ETV5: variants seen among roughly 807,000 people sequenced by gnomAD.
ETV5 encodes ETS variant transcription factor 5, also known as ETS translocation variant 5.
A neutral mutation model predicts 70.0 loss-of-function variants in ETV5; 10 were observed. The observed-to-expected ratio is 0.14, with a 90% CI of 0.09 to 0.24. ETV5 has a LOEUF of 0.24. Among genes scored for constraint, ETV5 ranks in the 10% least tolerant of loss-of-function variants. The pLI, the probability that ETV5 is intolerant of heterozygous loss-of-function variation, is 1.00. For synonymous variants in ETV5, 216 were observed against 242.2 expected, an observed-to-expected ratio of 0.89 and a Z score of 1.01; for missense variants, 453 against 651.2, an observed-to-expected ratio of 0.70 and a Z score of 3.31.
chr3:186,089,915 T>A (rs79365987), intron 5 of ETV5, among the ~76,000 whole-genome samples: 2,598 of 152,320 alleles, frequency 0.017, 78 homozygotes, highest in African/African-American at 0.06. Flanking sequence ...TCTCAGGCTA[T>A]GTAGGAGAAT....
intron 7 of ETV5, among the ~76,000 whole-genome samples, chr3:186,077,148 T>A (rs1013762910): frequency 2.6e-5 from 4 of 152,220 alleles, no homozygotes; most frequent in African/African-American, 9.7e-5. Context: ...TCTGCCTATG[T>A]CACAGGGCGG....
At chr3:186,092,644 G>A (rs1462879374) in intron 5 of ETV5, among the ~76,000 whole-genome samples, 2 of 151,624 alleles carry the variant, frequency 1.3e-5, no homozygotes, top group East Asian at 3.9e-4. Context: ...ATGTTGCCCA[G>A]GCTGGTCTCA....
At chr3:186,077,911 T>TC in intron 7 of ETV5, 2 of 748,756 alleles carry the variant, frequency 2.7e-6, no homozygotes, top group Non-Finnish European at 3.4e-6. Flanking sequence ...GACCCATCAG[T>TC]CTCAAAGGCA....
At chr3:186,056,370 T>C (rs1489317741) in intron 11 of ETV5, among the ~76,000 whole-genome samples, 2 of 152,172 alleles carry the variant, frequency 1.3e-5, no homozygotes, top group Non-Finnish European at 2.9e-5. Flanking sequence ...TTTGGGACTA[T>C]AGACACACAC....
At chr3:186,069,667 T>G (rs1395110105) in intron 7 of ETV5, among the ~76,000 whole-genome samples, 1 of 152,080 alleles carries the variant, frequency 6.6e-6, no homozygotes, top group East Asian at 1.9e-4. Context: ...CCCAAGTAGC[T>G]GCGATTTTTA....
Position 186,079,903 on chromosome 3 carries a change from C to A in ETV5, c.564G>T (p.Gln188His), listed in dbSNP as rs776452133. ...PHSLPEPGPQ[Q>H]QTFAVPRPPH... ...GTGGTCGGGGGACCGCAAATGTTTGCTGCTGTGGTCCAGGCTCTGGAAGCG... is the reference window on the plus strand; with the variant it reads ...GTGGTCGGGGGACCGCAAATGTTTGATGCTGTGGTCCAGGCTCTGGAAGCG... The change falls in exon 7 of 13, where the codon CAG (glutamine) becomes CAT (histidine). Residue 188 changes from glutamine to histidine, a missense_variant. This residue lies in a region of ETV5 where 307 missense variants were observed against 344.9 expected (regional missense o/e 0.89). Coordinates refer to ENST00000306376, the MANE Select transcript of ETV5 (RefSeq NM_004454.3). The A allele has an allele frequency of 3.3e-6, 5 of 1,532,348 alleles. No homozygotes were observed. The Admixed American group carries it at 8.7e-5, about 27-fold the overall frequency. The allele number at this position is 1,532,348 out of a possible 1,614,324, so 94.9% of individuals were successfully genotyped here.
At chr3:186,070,476 C>G (rs182268968) in intron 7 of ETV5, among the ~76,000 whole-genome samples, 1 of 152,206 alleles carries the variant, frequency 6.6e-6, no homozygotes, top group Non-Finnish European at 1.5e-5. Flanking sequence ...TTTAAGGATG[C>G]GCAAAGCTTA....
chr3:186,048,008 C>T lies in ETV5; in HGVS notation c.*631G>A, dbSNP rs1047140487. ...AAGGGGGCTTGCTCTACTTGGCGAC[C>T]ACATGGCCGGGTGGTTCCCAAGAGT... On this transcript the variant is annotated 3_prime_UTR_variant, in exon 13 of 13. Coordinates refer to ENST00000306376, the MANE Select transcript of ETV5 (RefSeq NM_004454.3). The T allele has an allele frequency of 1.3e-5, 3 of 233,256 alleles. No homozygotes were observed. The highest frequency in any genetic ancestry group is 2.5e-5 in the Non-Finnish European group (3 of 117,922). The allele number at this position is 233,256 out of a possible 1,614,324, so 14.4% of individuals were successfully genotyped here.
rs1283453472 is a variant in ETV5, at chr3:186,052,661, C to T, written c.1210-530G>A. Among the ~76,000 whole-genome samples, 1 of 152,186 alleles carries T rather than the reference C, an allele frequency of 6.6e-6. No individual in the cohort carries two copies. Among genetic ancestry groups the T allele is most frequent in the Non-Finnish European group, 1.5e-5 (1 of 68,036 alleles). Reference sequence around the variant, plus strand: ...TAAGGGGGAATCAGATCATTTCAGCCTGCTGCCATCCAATCCCATGCTCCC... The same window carrying T: ...TAAGGGGGAATCAGATCATTTCAGCTTGCTGCCATCCAATCCCATGCTCCC... On this transcript the variant is annotated intron_variant, in intron 11 of 12. Coordinates refer to ENST00000306376, the MANE Select transcript of ETV5 (RefSeq NM_004454.3). This position sits in a 1 kb window ranked among gnomAD's most constrained non-coding sequence, Gnocchi z 4.5.
intron 7 of ETV5, among the ~76,000 whole-genome samples, chr3:186,075,660 C>T (rs570645011): frequency 2.6e-5 from 4 of 152,174 alleles, no homozygotes; most frequent in Non-Finnish European, 5.9e-5. Flanking sequence ...GAAGACACTA[C>T]CCAGTTGACC....
rs1712924989 is a variant in ETV5 at position 186,048,098 on chromosome 3, T to C, written c.*541A>G. The stretch of plus-strand genomic sequence containing the variant: ...CAGCTGTTCTGACTGCCCCCCTTTT[T>C]CTAGACAAGGGGTAATATTTCAGAT... On this transcript the variant is annotated 3_prime_UTR_variant, in exon 13 of 13. Coordinates refer to ENST00000306376, the MANE Select transcript of ETV5 (RefSeq NM_004454.3). The C allele has an allele frequency of 4.3e-6, 1 of 234,224 alleles. No homozygotes were observed. Among genetic ancestry groups the C allele is most frequent in the East Asian group, 6.1e-5 (1 of 16,454 alleles). The allele number at this position is 234,224 out of a possible 1,614,324, so 14.5% of individuals were successfully genotyped here.
chr3:186,108,658 C>G (rs1714657088), intron 1 of ETV5: 10 of 1,157,512 alleles, frequency 8.6e-6, no homozygotes, highest in Non-Finnish European at 1.1e-5. Flanking sequence ...CACTCGGGAG[C>G]CCCCGCACTC....
In ETV5 at chr3:186,052,223, A is replaced by G; in HGVS notation, c.1210-92T>C. The G allele has an allele frequency of 8.2e-7, 1 of 1,214,660 alleles. No individual in the cohort carries two copies. Among genetic ancestry groups the G allele is most frequent in the Non-Finnish European group, 1.2e-6 (1 of 829,714 alleles). 75.2% of individuals were successfully genotyped at this position (1,214,660 alleles called of 1,614,324 possible). A position where few individuals can be genotyped will look rare whatever the true frequency, so the allele number is the denominator to read the frequency against. On this transcript the variant is annotated intron_variant, in intron 11 of 12. Coordinates refer to ENST00000306376, the MANE Select transcript of ETV5 (RefSeq NM_004454.3). The surrounding 1 kb of genome is among the most constrained non-coding windows in gnomAD (Gnocchi z 4.5). The stretch of plus-strand genomic sequence containing the variant: ...CCAGCAGAGCCAGTTCTGTAACCTG[A>G]CTGCTTTGGTCAATGATCTGCTACT...
rs1344155909 is a variant in ETV5 at position 186,102,475 on chromosome 3, A to G, written c.232+2830T>C. Among the ~76,000 whole-genome samples, 4 of 152,002 alleles carry G rather than the reference A, an allele frequency of 2.6e-5. No individual in the cohort carries two copies. In the South Asian group the frequency reaches 6.2e-4, roughly 24 times the overall value. Reference sequence around the variant, plus strand: ...TGGTGAAGCCCCGTCTCTACTAAAAATACAAAAATTAGCCAGGCATGGTGG... The same window carrying G: ...TGGTGAAGCCCCGTCTCTACTAAAAGTACAAAAATTAGCCAGGCATGGTGG... On this transcript the variant is annotated intron_variant, in intron 5 of 12. Transcript: ENST00000306376.
In ETV5 at chr3:186,108,951, T is replaced by G. The variant is rs869400; in HGVS notation, c.-86A>C. The stretch of plus-strand genomic sequence containing the variant: ...CAAAGCCCCCTCACCTGAGGCGGCC[T>G]CTCTCCTCCCCTTGCAGCGGCCCCG... On this transcript the variant is annotated 5_prime_UTR_variant, in exon 1 of 13. Coordinates refer to ENST00000306376, the MANE Select transcript of ETV5 (RefSeq NM_004454.3). 126,915 of 156,014 alleles carry G rather than the reference T, an allele frequency of 0.81. 51,804 individuals carry two copies. The highest frequency in any genetic ancestry group is 0.95 in the East Asian group (4,849 of 5,130). The allele number at this position is 156,014 out of a possible 1,614,324, so 9.7% of individuals were successfully genotyped here. A position where few individuals can be genotyped will look rare whatever the true frequency, so the allele number is the denominator to read the frequency against.
chr3:186,074,235 G>A (rs906073352), intron 7 of ETV5, among the ~76,000 whole-genome samples: 47 of 152,122 alleles, frequency 3.1e-4, no homozygotes, highest in African/African-American at 1.0e-3. Context: ...CACACAAAAT[G>A]GACAACTTCT....
chr3:186,099,869 C>A (rs1248036266), intron 5 of ETV5, among the ~76,000 whole-genome samples: 2 of 152,160 alleles, frequency 1.3e-5, no homozygotes, highest in African/African-American at 2.4e-5. Flanking sequence ...ATCTTTCTCA[C>A]CAAATACAAA....
Position 186,048,876 on chromosome 3 carries a change from C to T in ETV5, c.1312-16G>A, listed in dbSNP as rs924363531. ...CTCCAGCCACCTGCGGGAGAACACA[C>T]ACCTTACAGGGCCCAGTTGGAACAG... On this transcript the variant is annotated splice_polypyrimidine_tract_variant and intron_variant, in intron 12 of 12. Coordinates refer to ENST00000306376, the MANE Select transcript of ETV5 (RefSeq NM_004454.3). 21 of 1,606,416 alleles carry T rather than the reference C, an allele frequency of 1.3e-5. No individual in the cohort carries two copies. Among genetic ancestry groups the T allele is most frequent in the Non-Finnish European group, 1.8e-5 (21 of 1,174,108 alleles).
intron 11 of ETV5, among the ~76,000 whole-genome samples, chr3:186,053,362 G>A (rs921312249): frequency 1.3e-5 from 2 of 152,104 alleles, no homozygotes; most frequent in African/African-American, 2.4e-5. Context: ...TCAGCCTCCC[G>A]AAGTGCTGGG....
Sources: gnomAD v4.1 joint callset for allele counts (sites outside exome capture counted in the v4.1 genomes callset) on GRCh38, gnomAD v4.1.1 for gene constraint, gnomAD v4.1.1 regional missense constraint, Gnocchi (gnomAD v3.1) non-coding constraint, MANE v1.5 for transcripts, NCBI Gene and HGNC (gene_info 2026-07-23, HGNC 2026-07-21) for gene names.